The following FRMD3 variants were observed in gnomAD, a reference collection of about 807,000 sequenced individuals.
FRMD3 encodes FERM domain containing 3.
In FRMD3, 33 loss-of-function variants were observed where a neutral mutation model predicts 70.2. The ratio of observed to expected loss-of-function variants is 0.47; its 90% CI spans 0.36 to 0.63. FRMD3 has a LOEUF of 0.63. Among genes scored for constraint, FRMD3 ranks in the 20% least tolerant of loss-of-function variants. The pLI, the probability that FRMD3 is intolerant of heterozygous loss-of-function variation, is 0.00. For synonymous variants in FRMD3, 279 were observed against 255.9 expected (o/e 1.09, Z -0.86); for missense variants, 632 against 711.4 (o/e 0.89, Z 1.27).
At chr9:83,399,917 A>G (rs1229665686) in intron 1 of FRMD3, among the ~76,000 whole-genome samples, 1 of 152,150 alleles carries the variant, frequency 6.6e-6, no homozygotes, top group African/African-American at 2.4e-5. Context: ...TAAAACAGGG[A>G]ACAAGGCAAA....
chr9:83,315,599 GCCT>G (rs1835538977), intron 6 of FRMD3, among the ~76,000 whole-genome samples: 1 of 152,124 alleles, frequency 6.6e-6, no homozygotes, highest in Non-Finnish European at 1.5e-5. Context: ...CATAAGATGT[GCCT>G]CCTTCCTCTT....
intron 3 of FRMD3, among the ~76,000 whole-genome samples, chr9:83,357,284 TA>T (rs1824427780): frequency 2.4e-5 from 2 of 82,030 alleles, no homozygotes; most frequent in Admixed American, 1.5e-4. Context: ...TATATATATA[TA>T]TATATATATA....
intron 3 of FRMD3, among the ~76,000 whole-genome samples, chr9:83,365,102 C>T (rs1355447546): frequency 6.6e-6 from 1 of 152,144 alleles, no homozygotes; most frequent in Non-Finnish European, 1.5e-5. Flanking sequence ...CAAGGACCCA[C>T]CAGTGGTCTT....
intron 1 of FRMD3, among the ~76,000 whole-genome samples, chr9:83,490,394 T>C (rs1828789817): frequency 6.6e-6 from 1 of 152,144 alleles, no homozygotes. Context: ...GTTCAAGTGA[T>C]TCTCATGCCT....
intron 13 of FRMD3, among the ~76,000 whole-genome samples, chr9:83,282,361 G>C (rs1017140222): frequency 1.3e-5 from 2 of 152,148 alleles, no homozygotes; most frequent in African/African-American, 2.4e-5. Flanking sequence ...CGTCTAAAAC[G>C]TAACTGTTCA....
chr9:83,428,699 C>T (rs76118521), intron 1 of FRMD3, among the ~76,000 whole-genome samples: 6,413 of 152,186 alleles, frequency 0.042, 187 homozygotes, highest in East Asian at 0.16. Context: ...AATCATTCCG[C>T]TGCAGTTGGA....
At chr9:83,310,367 T>A in intron 9 of FRMD3, 118 bp downstream of exon 9, 1 of 816,336 alleles carries the variant, frequency 1.2e-6, no homozygotes, top group Non-Finnish European at 2.0e-6. Flanking sequence ...GCTTTCATTA[T>A]CACCATACAC....
At chr9:83,345,705 C>T (rs910862272) in intron 4 of FRMD3, among the ~76,000 whole-genome samples, 2 of 151,694 alleles carry the variant, frequency 1.3e-5, no homozygotes, top group Admixed American at 6.6e-5. Context: ...TACAGTGAGC[C>T]GAGATCGCAC....
chr9:83,423,657 C>T (rs140842757), intron 1 of FRMD3, among the ~76,000 whole-genome samples: 1,767 of 120,332 alleles, frequency 0.015, 42 homozygotes, highest in African/African-American at 0.054. Flanking sequence ...AGTGCAGTGG[C>T]GTGATCTCAG....
intron 13 of FRMD3, among the ~76,000 whole-genome samples, chr9:83,250,536 G>A (rs1229464505): frequency 1.3e-5 from 2 of 152,214 alleles, no homozygotes; most frequent in Non-Finnish European, 2.9e-5. Flanking sequence ...CACCTCACAA[G>A]TTAAGACCCA....
intron 1 of FRMD3, among the ~76,000 whole-genome samples, chr9:83,508,352 T>C (rs1829252528): frequency 6.6e-6 from 1 of 152,228 alleles, no homozygotes; most frequent in South Asian, 2.1e-4. Context: ...ATCAAGAATA[T>C]GCACTTTATA....
At chr9:83,530,169 G>A (rs1343669724) in intron 1 of FRMD3, among the ~76,000 whole-genome samples, 2 of 152,196 alleles carry the variant, frequency 1.3e-5, no homozygotes, top group East Asian at 3.8e-4. Flanking sequence ...CATGTCTAGA[G>A]AGCAACTTTT....
At chr9:83,503,475 C>T (rs924887600) in intron 1 of FRMD3, among the ~76,000 whole-genome samples, 7 of 152,178 alleles carry the variant, frequency 4.6e-5, no homozygotes, top group African/African-American at 1.4e-4. Context: ...CTACCACCAA[C>T]CTGAACAACC....
At chr9:83,363,231 T>C (rs1360223072) in intron 3 of FRMD3, among the ~76,000 whole-genome samples, 3 of 152,160 alleles carry the variant, frequency 2.0e-5, no homozygotes, top group Non-Finnish European at 4.4e-5. Flanking sequence ...CAGTTCTTCT[T>C]CTACACGCTA....
the FRMD3 span, among the ~76,000 whole-genome samples, chr9:83,578,749 G>C: frequency 4.6e-5 from 7 of 151,870 alleles, no homozygotes; most frequent in Non-Finnish European, 7.4e-5. Flanking sequence ...TTTCCTCTGA[G>C]TTCAGGGACA....
intron 1 of FRMD3, among the ~76,000 whole-genome samples, chr9:83,476,383 C>A (rs1390494276): frequency 1.3e-3 from 144 of 113,978 alleles, no homozygotes; most frequent in Non-Finnish European, 1.5e-3. Context: ...GACTCTCTCT[C>A]AAAAAAAAAA....
At chr9:83,407,099 T>C (rs1826126488) in intron 1 of FRMD3, among the ~76,000 whole-genome samples, 3 of 152,312 alleles carry the variant, frequency 2.0e-5, no homozygotes, top group Admixed American at 6.5e-5. Flanking sequence ...CTCGCTGACC[T>C]TTCTGTCCTC....
chr9:83,563,299 G>C, the FRMD3 span, among the ~76,000 whole-genome samples: 3 of 152,166 alleles, frequency 2.0e-5, no homozygotes, highest in Non-Finnish European at 4.4e-5. Flanking sequence ...CTTCAGGCAT[G>C]CAGGTGTCCT....
At chr9:83,307,384 T>C (rs1221520306) in intron 10 of FRMD3, among the ~76,000 whole-genome samples, 2 of 152,214 alleles carry the variant, frequency 1.3e-5, no homozygotes, top group Non-Finnish European at 2.9e-5. Flanking sequence ...GCATTACTCA[T>C]AGTAGCTAAA....
Sources: allele counts gnomAD v4.1 joint callset (sites outside exome capture counted in the v4.1 genomes callset), GRCh38; gene constraint gnomAD v4.1.1; transcripts MANE v1.5; gene names NCBI Gene and HGNC (gene_info 2026-07-23, HGNC 2026-07-21).